Variants in SORCS2 observed in about 807,000 individuals in gnomAD.
SORCS2 encodes sortilin related VPS10 domain containing receptor 2, also known as VPS10 domain-containing receptor SorCS2.
Under a neutral mutation model 141.6 loss-of-function variants are expected in SORCS2, and 100 were observed. The ratio of observed to expected loss-of-function variants is 0.71; its 90% CI spans 0.60 to 0.83. The LOEUF (loss-of-function observed/expected upper bound fraction) is 0.83. Among genes scored for constraint, SORCS2 ranks in the 40% least tolerant of loss-of-function variants. The pLI, the probability that SORCS2 is intolerant of heterozygous loss-of-function variation, is 0.00. For synonymous variants in SORCS2, 789 were observed against 676.9 expected (o/e 1.17, Z -2.57); for missense variants, 1,646 against 1,560.2 (o/e 1.05, Z -0.93).
chr4:7,287,462 C>T (rs1218895565), intron 1 of SORCS2, among the ~76,000 whole-genome samples: 1 of 152,190 alleles, frequency 6.6e-6, no homozygotes, highest in African/African-American at 2.4e-5. Context: ...GCCCTTGCCA[C>T]GGCCCCCAGG....
At chr4:7,327,978 A>T (rs1485998850) in intron 1 of SORCS2, among the ~76,000 whole-genome samples, 2 of 147,382 alleles carry the variant, frequency 1.4e-5, no homozygotes, top group East Asian at 4.0e-4. Flanking sequence ...CCTCATCATC[A>T]GAGTTTGAGG....
At chr4:7,638,578 T>C in intron 4 of SORCS2, 86 bp downstream of exon 4, 1 of 1,413,226 alleles carries the variant, frequency 7.1e-7, no homozygotes, top group Non-Finnish European at 9.4e-7. Context: ...TTGGAGCAAG[T>C]GGGACCCGGA....
At chr4:7,655,696 C>T (rs1414110176) in intron 5 of SORCS2, among the ~76,000 whole-genome samples, 1 of 152,254 alleles carries the variant, frequency 6.6e-6, no homozygotes, top group African/African-American at 2.4e-5. Flanking sequence ...CCATCACTGG[C>T]CTTGTCATTG....
rs1711519919 is a variant in SORCS2, at chr4:7,729,639, C to A, written c.3035C>A (p.Pro1012His). The A allele has an allele frequency of 1.2e-6, 2 of 1,600,444 alleles. No individual in the cohort carries two copies. The highest frequency in any genetic ancestry group is 4.5e-5 in the East Asian group (2 of 44,140). The change falls in exon 23 of 27, where the codon CCC (proline) becomes CAC (histidine). Residue 1012 changes from proline to histidine, a missense_variant. Transcript: ENST00000507866. ...GTGACTGTGGTGAAGCCGGGGCTGC[C>A]CACTTTGGCCGATCTGTACGTGCTC... ...LLVTVVKPGLPTLADLYVLLP... is the reference protein window; with the variant it reads ...LLVTVVKPGLHTLADLYVLLP...
At chr4:7,680,573 GCTT>G (rs1226174958) in intron 9 of SORCS2, among the ~76,000 whole-genome samples, 2 of 152,262 alleles carry the variant, frequency 1.3e-5, no homozygotes, top group African/African-American at 4.8e-5. Context: ...CATTGATGAA[GCTT>G]CTTCTGCAGA....
intron 3 of SORCS2, among the ~76,000 whole-genome samples, chr4:7,630,830 T>C (rs1220380030): frequency 6.6e-6 from 1 of 152,194 alleles, no homozygotes; most frequent in Non-Finnish European, 1.5e-5. Flanking sequence ...TGGGTGCATC[T>C]GTCTGGCCAG....
intron 8 of SORCS2, among the ~76,000 whole-genome samples, chr4:7,674,927 G>T (rs1723021441): frequency 6.6e-6 from 1 of 152,208 alleles, no homozygotes; most frequent in Non-Finnish European, 1.5e-5. Flanking sequence ...CCGCAGGTGG[G>T]GCCAGCCGGA....
chr4:7,679,343 G>T (rs933245160), intron 9 of SORCS2, among the ~76,000 whole-genome samples: 1 of 152,184 alleles, frequency 6.6e-6, no homozygotes, highest in Admixed American at 6.5e-5. Context: ...ATCCTAATGG[G>T]CTGAATGGTG....
chr4:7,430,768 T>C (rs58448418), intron 2 of SORCS2: 28,033 of 152,226 alleles, frequency 0.18, 2,664 homozygotes, highest in Middle Eastern at 0.32. Flanking sequence ...CCTGGGCTGG[T>C]ATCTCCTCTC....
intron 1 of SORCS2, among the ~76,000 whole-genome samples, chr4:7,375,937 G>A (rs1313350112): frequency 6.6e-6 from 1 of 152,202 alleles, no homozygotes; most frequent in African/African-American, 2.4e-5. Context: ...TGGCAAATGA[G>A]GATAGTAATA....
intron 3 of SORCS2, among the ~76,000 whole-genome samples, chr4:7,577,275 C>G (rs1297910897): frequency 9.8e-5 from 15 of 152,298 alleles, no homozygotes; most frequent in Admixed American, 9.2e-4. Context: ...CACCAGTTCC[C>G]TGGTGGGGAG....
chr4:7,640,037 G>T (rs1720566736), intron 4 of SORCS2, among the ~76,000 whole-genome samples: 1 of 136,998 alleles, frequency 7.3e-6, no homozygotes, highest in African/African-American at 2.6e-5. Context: ...ACGTGAGTGT[G>T]CATGTGTGAG....
At chr4:7,249,168 G>C (rs926361566) in intron 1 of SORCS2, among the ~76,000 whole-genome samples, 1 of 152,194 alleles carries the variant, frequency 6.6e-6, no homozygotes, top group Non-Finnish European at 1.5e-5. Flanking sequence ...TTCAGATGGT[G>C]GCTGGGACTG....
intron 4 of SORCS2, among the ~76,000 whole-genome samples, chr4:7,653,768 G>C (rs999538388): frequency 2.0e-5 from 3 of 152,186 alleles, no homozygotes; most frequent in African/African-American, 7.2e-5. Flanking sequence ...TCCGTTCACT[G>C]CTCCAGCCCT....
chr4:7,653,631 C>T (rs865936034), intron 4 of SORCS2, among the ~76,000 whole-genome samples: 9 of 152,196 alleles, frequency 5.9e-5, no homozygotes, highest in African/African-American at 1.2e-4. Flanking sequence ...GGTCCCTGGG[C>T]GATGGCACTG....
chr4:7,267,659 C>T (rs575214602), intron 1 of SORCS2, among the ~76,000 whole-genome samples: 30 of 152,266 alleles, frequency 2.0e-4, no homozygotes, highest in Admixed American at 4.6e-4. Flanking sequence ...GGTAAAACCC[C>T]GTCTGTACTA....
At chr4:7,472,152 C>T (rs1560312819) in intron 2 of SORCS2, among the ~76,000 whole-genome samples, 1 of 152,190 alleles carries the variant, frequency 6.6e-6, no homozygotes, top group East Asian at 1.9e-4. Context: ...CCTGGCACTG[C>T]CCTGGGCAGG....
intron 2 of SORCS2, among the ~76,000 whole-genome samples, chr4:7,444,071 T>C (rs998521014): frequency 6.6e-6 from 1 of 152,228 alleles, no homozygotes; most frequent in Non-Finnish European, 1.5e-5. Context: ...GAATCTCTCC[T>C]TCCCTGTTAG....
intron 3 of SORCS2, among the ~76,000 whole-genome samples, chr4:7,569,824 C>T (rs1453720972): frequency 1.3e-5 from 2 of 152,208 alleles, no homozygotes; most frequent in Non-Finnish European, 2.9e-5. Context: ...TTCTGCAAAA[C>T]TGTGAGGCAC....
Sources: gnomAD v4.1 joint callset for allele counts (sites outside exome capture counted in the v4.1 genomes callset) on GRCh38, gnomAD v4.1.1 for gene constraint, MANE v1.5 for transcripts, NCBI Gene and HGNC (gene_info 2026-07-23, HGNC 2026-07-21) for gene names.